BOLL: variants seen among roughly 807,000 people sequenced by gnomAD.
BOLL encodes protein boule-like.
In BOLL, 23 loss-of-function variants were observed where a neutral mutation model predicts 44.4. That is an observed-to-expected ratio of 0.52 (90% CI 0.37 to 0.73). The LOEUF is 0.73. BOLL is among the 30% of genes least tolerant of loss of function. The pLI is 0.00. For synonymous variants in BOLL, 97 were observed against 110.8 expected (o/e 0.88, Z 0.78); for missense variants, 287 against 338.3 (o/e 0.85, Z 1.19).
At chr2:197,782,469 C>T (rs767385828) in intron 1 of BOLL, among the ~76,000 whole-genome samples, 7 of 152,204 alleles carry the variant, frequency 4.6e-5, no homozygotes, top group Admixed American at 6.5e-5. Flanking sequence ...GTTTTAGCCT[C>T]GATCCATTTT....
intron 9 of BOLL, among the ~76,000 whole-genome samples, chr2:197,748,799 T>C (rs1449186019): frequency 6.6e-6 from 1 of 152,202 alleles, no homozygotes; most frequent in Non-Finnish European, 1.5e-5. Context: ...GGGGCAGCTG[T>C]GGGTGCAGCT....
Position 197,733,778 on chromosome 2 carries a change from G to T in BOLL, c.829-5200C>A, listed in dbSNP as rs558463647. On this transcript the variant is annotated intron_variant, in intron 10 of 10. Transcript: ENST00000392296. ...AGCCATATGTAGAAAGCTGAAACTG[G>T]ATCCCTTCCTTACACCTTACACAAG... is the stretch of plus-strand genomic sequence containing the variant. Among the ~76,000 whole-genome samples the T allele has an allele frequency of 5.6e-4, 85 of 152,240 alleles. 6 individuals are homozygous for T. In the East Asian group the frequency reaches 5.8e-3, roughly 10 times the overall value.
At chr2:197,771,675 T>C (rs987727700) in intron 6 of BOLL, among the ~76,000 whole-genome samples, 180 bp downstream of exon 6, 1 of 152,070 alleles carries the variant, frequency 6.6e-6, no homozygotes, top group Admixed American at 6.6e-5. Flanking sequence ...TGAAGCTGTC[T>C]TACTTTACTC....
At position 197,766,557 on chromosome 2, in the gene BOLL, T is replaced by A. The variant is rs139427403; in HGVS notation, c.527A>T (p.Tyr176Phe). Residue 176 changes from tyrosine to phenylalanine, a missense_variant, in exon 7 of 11, where the codon TAT (tyrosine) becomes TTT (phenylalanine). Tyr to Phe is a conservative substitution (Grantham distance 22). Transcript: ENST00000392296. Reference protein sequence around the residue: ...SSPVMVAQPIYQQPAYHYQAT... With the variant: ...SSPVMVAQPIFQQPAYHYQAT... Reference sequence around the variant, plus strand: ...CTGGTAGTGATATGCAGGTTGCTGATAAATGGGCTGAGCTACCATCACAGG... The same window carrying A: ...CTGGTAGTGATATGCAGGTTGCTGAAAAATGGGCTGAGCTACCATCACAGG... 1.0e-4 allele frequency: 167 copies of A among 1,612,356 alleles called. No individual in the cohort carries two copies. Among genetic ancestry groups the A allele is most frequent in the Middle Eastern group, 1.6e-4 (1 of 6,078 alleles).
rs1686962791 is a variant in BOLL, at chr2:197,728,644, G to A, written c.829-66C>T. On this transcript the variant is annotated intron_variant, in intron 10 of 10. Transcript: ENST00000392296. ...GGAAAAAAAAAGATAAGTTAGAACAGATGAGTACAGACCATCAATCAACAT... is the reference window on the plus strand; with the variant it reads ...GGAAAAAAAAAGATAAGTTAGAACAAATGAGTACAGACCATCAATCAACAT... 5 of 1,060,018 alleles carry A rather than the reference G, an allele frequency of 4.7e-6. No homozygotes were observed. In the South Asian group the frequency reaches 5.5e-5, roughly 12 times the overall value. 65.7% of individuals were successfully genotyped at this position (1,060,018 alleles called of 1,614,324 possible). A position where few individuals can be genotyped will look rare whatever the true frequency, so the allele number is the denominator to read the frequency against.
At chr2:197,745,165 C>T (rs2106329845) in intron 9 of BOLL, among the ~76,000 whole-genome samples, 1 of 152,058 alleles carries the variant, frequency 6.6e-6, no homozygotes, top group South Asian at 2.1e-4. Context: ...GGAGTGGGTG[C>T]AATCTGGTAG....
intron 5 of BOLL, chr2:197,773,987 G>C (rs563525935): frequency 2.2e-6 from 1 of 446,460 alleles, no homozygotes; most frequent in Non-Finnish European, 4.6e-6. Flanking sequence ...ATTTGTAAAT[G>C]TACTTTTAAC....
chr2:197,731,175 T>C (rs941169768), intron 10 of BOLL, among the ~76,000 whole-genome samples: 3 of 151,862 alleles, frequency 2.0e-5, no homozygotes, highest in African/African-American at 7.3e-5. Context: ...TGGTCTTGGA[T>C]AAAACAGACT....
intron 10 of BOLL, among the ~76,000 whole-genome samples, chr2:197,729,561 C>T (rs1036560397): frequency 3.9e-5 from 6 of 152,312 alleles, no homozygotes; most frequent in Admixed American, 6.5e-5. Flanking sequence ...TTAAATGTCC[C>T]TGTCTGACAG....
Position 197,729,323 on chromosome 2 carries a change from G to T in BOLL, c.829-745C>A, listed in dbSNP as rs1012454944. ...TGGCTCGGAGGGTCCTACGCCCACGGAGTCTCGCTGATTGCTAGCACAGCA... is the reference window on the plus strand; with the variant it reads ...TGGCTCGGAGGGTCCTACGCCCACGTAGTCTCGCTGATTGCTAGCACAGCA... On this transcript the variant is annotated intron_variant, in intron 10 of 10. Coordinates refer to ENST00000392296, the MANE Select transcript of BOLL (RefSeq NM_033030.6). Among the ~76,000 whole-genome samples, 14 of 152,226 alleles carry T rather than the reference G, an allele frequency of 9.2e-5. No individual in the cohort carries two copies. The South Asian group carries it at 1.2e-3, about 14-fold the overall frequency.
upstream of BOLL, among the ~76,000 whole-genome samples, chr2:197,785,571 C>T (rs1298436906): frequency 6.6e-6 from 1 of 152,198 alleles, no homozygotes; most frequent in African/African-American, 2.4e-5. The surrounding 1 kb of genome is among the most constrained non-coding windows in gnomAD (Gnocchi z 6.7). Flanking sequence ...GAGGCGTCGA[C>T]CGCCCTGGCA....
intron 7 of BOLL, chr2:197,759,019 A>C (rs1370583557): frequency 6.5e-7 from 1 of 1,534,782 alleles, no homozygotes; most frequent in African/African-American, 1.4e-5. Flanking sequence ...TCGTAAAAAA[A>C]GAGAGGCATG....
rs150043201 is a variant in BOLL at position 197,743,353 on chromosome 2, A to C, written c.730-194T>G. Among the ~76,000 whole-genome samples, 5 of 152,320 alleles carry C rather than the reference A, an allele frequency of 3.3e-5. No homozygotes were observed. In the East Asian group the frequency reaches 9.6e-4, roughly 29 times the overall value. On this transcript the variant is annotated intron_variant, in intron 9 of 10. Coordinates refer to ENST00000392296, the MANE Select transcript of BOLL (RefSeq NM_033030.6). The stretch of plus-strand genomic sequence containing the variant: ...AACTTATGAATTAACTTGTAATCTG[A>C]TGAGGGAAATAGACAGTAGTCAGAA...
chr2:197,754,665 GACC>G lies in BOLL; in HGVS notation c.729+1760_729+1762del, dbSNP rs1688422529. Among the ~76,000 whole-genome samples the G allele has an allele frequency of 2.6e-5, 4 of 151,794 alleles. No homozygotes were observed. In the South Asian group the frequency reaches 8.3e-4, roughly 32 times the overall value. On this transcript the variant is annotated intron_variant, in intron 9 of 10. Transcript: ENST00000392296. ...GGAGGTGGAGGTTGCAGTGAGCCGA[GACC>G]ACACCATTGCACTCTAGCCTGGGCG...
At chr2:197,743,297 C>A (rs1033562570) in intron 9 of BOLL, 138 bp from the exon 10 acceptor site, 1 of 511,954 alleles carries the variant, frequency 2.0e-6, no homozygotes, top group African/African-American at 2.0e-5. Flanking sequence ...GTTTAATTAA[C>A]TTATAATCTG....
At chr2:197,749,041 C>G (rs1018437858) in intron 9 of BOLL, among the ~76,000 whole-genome samples, 1 of 152,248 alleles carries the variant, frequency 6.6e-6, no homozygotes, top group African/African-American at 2.4e-5. Context: ...GAAGAAGGAG[C>G]AGGCAGCAAT....
chr2:197,776,327 TGA>T (rs1178593090), intron 4 of BOLL, among the ~76,000 whole-genome samples: 4 of 151,960 alleles, frequency 2.6e-5, no homozygotes, highest in Non-Finnish European at 5.9e-5. Flanking sequence ...AATTCAAGCA[TGA>T]ATTATAGTGC....
intron 9 of BOLL, among the ~76,000 whole-genome samples, chr2:197,749,203 AG>A (rs1167788945): frequency 6.6e-6 from 1 of 152,222 alleles, no homozygotes; most frequent in Non-Finnish European, 1.5e-5. Flanking sequence ...ATCAACAAAA[AG>A]GACATCCACG....
chr2:197,760,649 A>G (rs750620916), intron 7 of BOLL, among the ~76,000 whole-genome samples: 16 of 151,842 alleles, frequency 1.1e-4, no homozygotes, highest in Admixed American at 2.6e-4. Context: ...ATTGTCATAG[A>G]CTCTCTTTTG....
Sources: allele counts gnomAD v4.1 joint callset (sites outside exome capture counted in the v4.1 genomes callset), GRCh38; gene constraint gnomAD v4.1.1; non-coding constraint Gnocchi (gnomAD v3.1); transcripts MANE v1.5; gene names NCBI Gene and HGNC (gene_info 2026-07-23, HGNC 2026-07-21).